SH3KBP1: variants seen among roughly 807,000 people sequenced by gnomAD.
SH3KBP1 encodes SH3 domain containing kinase binding protein 1.
SH3KBP1 carries 8 observed loss-of-function variants against 50.1 expected under a neutral mutation model. The ratio of observed to expected loss-of-function variants is 0.16; its 90% CI spans 0.09 to 0.29. The LOEUF (loss-of-function observed/expected upper bound fraction) is 0.29. SH3KBP1 is among the 10% of genes least tolerant of loss of function. SH3KBP1 has a pLI of 1.00. For missense variants in SH3KBP1, 377 were observed against 535.2 expected (o/e 0.70, Z 2.92); for synonymous variants, 227 against 218.6 (o/e 1.04, Z -0.34).
chrX:19,767,762 T>C (rs1184329186), intron 2 of SH3KBP1, among the ~76,000 whole-genome samples: 1 of 111,329 alleles, frequency 9.0e-6, no homozygotes, highest in East Asian at 2.8e-4. Flanking sequence ...CACTTATTGA[T>C]GTTCTTCTCA....
At position 19,575,039 on chromosome X, in the gene SH3KBP1, T is replaced by C. The variant is rs1324915914; in HGVS notation, c.1299-5851A>G. Among the ~76,000 whole-genome samples the C allele has an allele frequency of 2.0e-4, 23 of 112,236 alleles. No individual in the cohort carries two copies. In the Admixed American group the frequency reaches 2.1e-3, roughly 10 times the overall value. ...CTGTTGGTTAAGCCACTCAGACTAA[T>C]ACAACATCCCTGTTTGAGAAACCAT... On this transcript the variant is annotated intron_variant, in intron 12 of 17. Coordinates refer to ENST00000397821, the MANE Select transcript of SH3KBP1 (RefSeq NM_031892.3).
At position 19,753,175 on chromosome X, in the gene SH3KBP1, TGGGCAGAGCCCCCTTGGCTTA is replaced by T. The variant is rs769818331; in HGVS notation, c.163-6755_163-6735del. 5.4e-5 allele frequency among the ~76,000 whole-genome samples: 6 copies of T among 111,713 alleles called. No homozygotes were observed. In the South Asian group the frequency reaches 2.2e-3, roughly 42 times the overall value. On this transcript the variant is annotated intron_variant, in intron 2 of 17. Transcript: ENST00000397821. Reference sequence around the variant, plus strand: ...CTGCATTTGAAGAGCTGAGTGAGGTTGGGCAGAGCCCCCTTGGCTTAGGGTGGAAGCAGGGCAGGGGAAACA... The same window carrying T: ...CTGCATTTGAAGAGCTGAGTGAGGTTGGGTGGAAGCAGGGCAGGGGAAACA...
chrX:19,788,277 A>C (rs1431479729), intron 2 of SH3KBP1, among the ~76,000 whole-genome samples: 2 of 102,352 alleles, frequency 2.0e-5, no homozygotes, highest in Non-Finnish European at 3.9e-5. Flanking sequence ...TCCAAAAAAA[A>C]AAAAAAAACA....
At chrX:19,548,204 A>G (rs2065137976) in intron 14 of SH3KBP1, among the ~76,000 whole-genome samples, 1 of 112,146 alleles carries the variant, frequency 8.9e-6, no homozygotes, top group African/African-American at 3.2e-5. Context: ...CATCCCCCAA[A>G]TACATACGAA....
chrX:19,867,985 G>T (rs758337835), intron 1 of SH3KBP1, among the ~76,000 whole-genome samples: 1 of 111,418 alleles, frequency 9.0e-6, no homozygotes, highest in South Asian at 3.8e-4. Flanking sequence ...GATTAGGGCT[G>T]CAACACAGGA....
intron 10 of SH3KBP1, 62 bp downstream of exon 10, chrX:19,594,887 A>T (rs1341056320): frequency 2.3e-6 from 2 of 860,418 alleles, no homozygotes; most frequent in Non-Finnish European, 3.5e-6. Flanking sequence ...ACTGAGGATG[A>T]TTTGAATATA....
At chrX:19,849,683 G>GAAAA (rs61338118) in intron 1 of SH3KBP1, among the ~76,000 whole-genome samples, 2 of 48,851 alleles carry the variant, frequency 4.1e-5, no homozygotes, top group Non-Finnish European at 7.9e-5. Context: ...GTAGCAGAGT[G>GAAAA]AAAAAAAAAA....
chrX:19,610,412 ATTTCTTTGACCCTAACTCTT>A (rs2067376777), intron 8 of SH3KBP1, among the ~76,000 whole-genome samples: 1 of 111,588 alleles, frequency 9.0e-6, no homozygotes, highest in African/African-American at 3.3e-5. Context: ...TGGGAGTAGA[ATTTCTTTGACCCTAACTCTT>A]GGAATTAGGT....
At chrX:19,760,041 C>CCTCTCTCTCCCT (rs2065351124) in intron 2 of SH3KBP1, among the ~76,000 whole-genome samples, 4 of 50,455 alleles carry the variant, frequency 7.9e-5, no homozygotes, top group East Asian at 5.3e-4. Flanking sequence ...TCTCTCTCTC[C>CCTCTCTCTCCCT]CTCTCTCTCT....
intron 2 of SH3KBP1, among the ~76,000 whole-genome samples, chrX:19,759,492 G>C (rs1397353096): frequency 8.9e-6 from 1 of 112,184 alleles, no homozygotes; most frequent in South Asian, 3.7e-4. Context: ...GTTGTTGAAA[G>C]AATGTTTATA....
Position 19,674,654 on chromosome X carries a change from G to C in SH3KBP1, c.726+9169C>G, listed in dbSNP as rs188447881. Among the ~76,000 whole-genome samples, 17 of 112,502 alleles carry C rather than the reference G, an allele frequency of 1.5e-4. No homozygotes were observed. In the East Asian group the frequency reaches 4.2e-3, roughly 28 times the overall value. ...TAAACTGTAAATGGTGACTAACACA[G>C]ACAAGGTCCCAAATTATGGCACTTA... On this transcript the variant is annotated intron_variant, in intron 6 of 17. Transcript: ENST00000397821.
chrX:19,769,275 T>C (rs1603224527), intron 2 of SH3KBP1, among the ~76,000 whole-genome samples: 1 of 66,381 alleles, frequency 1.5e-5, no homozygotes, highest in African/African-American at 1.3e-4. Context: ...CTTCTTTTTC[T>C]TTTTTTTTCG....
intron 2 of SH3KBP1, among the ~76,000 whole-genome samples, chrX:19,803,756 T>A (rs771155172): frequency 7.2e-5 from 8 of 111,043 alleles, no homozygotes; most frequent in African/African-American, 2.3e-4. Flanking sequence ...TCAAAAAAAA[T>A]AAAATAAAAT....
rs1169423440 is a variant in SH3KBP1 at position 19,836,057 on chromosome X, C to A, written c.162+68G>T. 3 of 1,020,829 alleles carry A rather than the reference C, an allele frequency of 2.9e-6. No homozygotes were observed. In the Admixed American group the frequency reaches 7.2e-5, roughly 24 times the overall value. 84.1% of individuals were successfully genotyped at this position (1,020,829 alleles called of 1,213,427 possible). On this transcript the variant is annotated intron_variant, in intron 2 of 17. Transcript: ENST00000397821. ...AGAGTTCATGCAATTCATCCTCAAG[C>A]GCCCCCATAGACTTTGGTCAGCAGA...
At chrX:19,648,426 A>AGGAG in intron 6 of SH3KBP1, among the ~76,000 whole-genome samples, 1 of 96,332 alleles carries the variant, frequency 1.0e-5, no homozygotes, top group African/African-American at 3.8e-5. Flanking sequence ...GAAGGAAGGA[A>AGGAG]GGAGGGAAGG....
chrX:19,598,002 C>T (rs1223451595), intron 9 of SH3KBP1, among the ~76,000 whole-genome samples: 2 of 112,723 alleles, frequency 1.8e-5, no homozygotes, highest in African/African-American at 6.4e-5. Flanking sequence ...TGCTGCTTCA[C>T]CTTGTACTTT....
chrX:19,666,188 G>GA (rs200113351), intron 6 of SH3KBP1, among the ~76,000 whole-genome samples: 27 of 104,923 alleles, frequency 2.6e-4, no homozygotes, highest in South Asian at 1.2e-3. Flanking sequence ...AGGTGAAGAG[G>GA]AAAAAAAAAA....
intron 3 of SH3KBP1, among the ~76,000 whole-genome samples, chrX:19,708,360 C>T (rs1194069252): frequency 2.7e-5 from 3 of 112,279 alleles, no homozygotes; most frequent in African/African-American, 9.7e-5. Context: ...TCCACAAATA[C>T]TCTCCACCCC....
intron 6 of SH3KBP1, among the ~76,000 whole-genome samples, chrX:19,677,224 C>T (rs1205593560): frequency 9.0e-6 from 1 of 111,359 alleles, no homozygotes; most frequent in Non-Finnish European, 1.9e-5. Context: ...TGTGTAATAC[C>T]TGACACTCCT....
Sources: allele counts gnomAD v4.1 joint callset (sites outside exome capture counted in the v4.1 genomes callset), GRCh38; gene constraint gnomAD v4.1.1; transcripts MANE v1.5; gene names NCBI Gene and HGNC (gene_info 2026-07-23, HGNC 2026-07-21).